Variants in NRCAM observed in about 807,000 individuals in gnomAD.
The protein encoded by NRCAM is NgCAM-related cell adhesion molecule.
In NRCAM, 83 loss-of-function variants were observed where a neutral mutation model predicts 156.5. That is an observed-to-expected ratio of 0.53 (90% CI 0.44 to 0.64). NRCAM has a LOEUF of 0.64. Among genes scored for constraint, NRCAM ranks in the 30% least tolerant of loss-of-function variants. The pLI is 0.00. For synonymous variants in NRCAM, 538 were observed against 563.9 expected, an observed-to-expected ratio of 0.95 and a Z score of 0.65; for missense variants, 1,417 against 1,597.3, an observed-to-expected ratio of 0.89 and a Z score of 1.92.
At chr7:108,255,360 G>A (rs1158620033) in intron 3 of NRCAM, among the ~76,000 whole-genome samples, 4 of 152,198 alleles carry the variant, frequency 2.6e-5, no homozygotes, top group African/African-American at 9.7e-5. Context: ...TGGAGACGGG[G>A]TTTCGCCGTG....
rs1178656892 is a variant in NRCAM, at chr7:108,180,408, T to C, written c.2666A>G (p.Gln889Arg). ...QGYRIYYWKT[Q>R]SSSKRNRRHI... ...ACGTCTGTTTCTTTTAGATGAACTC[T>C]GGGTCTTCCAATAGTAAATCTGAAA... Residue 889 changes from glutamine (Q) to arginine (R), a missense_variant, in exon 25 of 33, where the codon CAG becomes CGG. Gln to Arg is a conservative substitution (Grantham distance 43, BLOSUM62 1). Around this residue, in one of 2 missense-constraint regions of NRCAM, gnomAD observed 1,238 missense variants for 1,336.4 expected, o/e 0.93. Transcript: ENST00000379028. 1.2e-6 allele frequency: 2 copies of C among 1,614,182 alleles called. No individual in the cohort carries two copies. The highest frequency in any genetic ancestry group is 1.7e-5 in the Admixed American group (1 of 60,036).
rs78258691 is a variant in NRCAM at position 108,354,294 on chromosome 7, A to C, written c.-173-41563T>G. ...TGCTCCTTCATTAAATACTCATTCGAAGTGACTACTCATTATCTTAGCCTA... is the reference window on the plus strand; with the variant it reads ...TGCTCCTTCATTAAATACTCATTCGCAGTGACTACTCATTATCTTAGCCTA... On this transcript the variant is annotated intron_variant, in intron 2 of 32. Transcript: ENST00000379028. 2.1e-3 allele frequency among the ~76,000 whole-genome samples: 314 copies of C among 152,362 alleles called. 1 individual carries two copies. Among genetic ancestry groups the C allele is most frequent in the African/African-American group, 7.2e-3 (300 of 41,584 alleles).
At chr7:108,444,874 T>C (rs1386102586) in intron 1 of NRCAM, among the ~76,000 whole-genome samples, 1 of 152,214 alleles carries the variant, frequency 6.6e-6, no homozygotes, top group African/African-American at 2.4e-5. Flanking sequence ...TCTAAAATTC[T>C]GTGTCGACAG....
In NRCAM at chr7:108,149,764, T is replaced by C. The variant is rs983914269; in HGVS notation, c.*146A>G. 1.3e-5 allele frequency: 9 copies of C among 684,366 alleles called. No individual in the cohort carries two copies. In the African/African-American group the frequency reaches 1.6e-4, roughly 12 times the overall value. 42.4% of individuals were successfully genotyped at this position (684,366 alleles called of 1,614,324 possible). On this transcript the variant is annotated 3_prime_UTR_variant, in exon 33 of 33. Transcript: ENST00000379028. The stretch of plus-strand genomic sequence containing the variant: ...ATTAACATATCATTTGACTGAGTTA[T>C]GTTTTTGCTGTAACTATTCTCATAA...
chr7:108,390,742 A>G (rs1427129498), intron 2 of NRCAM, among the ~76,000 whole-genome samples: 10 of 152,206 alleles, frequency 6.6e-5, no homozygotes, highest in East Asian at 3.9e-4. Context: ...ACACTGCTTT[A>G]AATGTGTCCC....
intron 3 of NRCAM, among the ~76,000 whole-genome samples, chr7:108,299,789 T>C (rs1391403458): frequency 6.6e-6 from 1 of 152,192 alleles, no homozygotes; most frequent in Non-Finnish European, 1.5e-5. Context: ...TTAAGCATTC[T>C]GGTGGGCACA....
At chr7:108,290,542 G>T (rs181642868) in intron 3 of NRCAM, among the ~76,000 whole-genome samples, 177 of 152,140 alleles carry the variant, frequency 1.2e-3, no homozygotes, top group African/African-American at 4.1e-3. Flanking sequence ...GACAGAGCTG[G>T]GTCAACAGTA....
chr7:108,265,509 T>A (rs1449307624), intron 3 of NRCAM, among the ~76,000 whole-genome samples: 1 of 152,220 alleles, frequency 6.6e-6, no homozygotes, highest in Non-Finnish European at 1.5e-5. Context: ...CTGACCTCTA[T>A]TTTATGCTTT....
At chr7:108,360,439 G>A (rs986157755) in intron 2 of NRCAM, among the ~76,000 whole-genome samples, 7 of 152,036 alleles carry the variant, frequency 4.6e-5, no homozygotes, top group African/African-American at 1.7e-4. Context: ...GCAGGGTGGG[G>A]GATATAAGAG....
At position 108,284,746 on chromosome 7, in the gene NRCAM, T is replaced by G. The variant is rs181448006; in HGVS notation, c.-107+27919A>C. ...ACTTGTCTGTCCCCAGGAAGTGATT[T>G]TCACTCGCATAGACATACATTAGAA... On this transcript the variant is annotated intron_variant, in intron 3 of 32. Transcript: ENST00000379028. Among the ~76,000 whole-genome samples, 53 of 152,318 alleles carry G rather than the reference T, an allele frequency of 3.5e-4. No individual in the cohort carries two copies. The East Asian group carries it at 8.1e-3, about 23-fold the overall frequency.
At chr7:108,168,645 T>C (rs982338784) in intron 28 of NRCAM, among the ~76,000 whole-genome samples, 2 of 152,204 alleles carry the variant, frequency 1.3e-5, no homozygotes, top group African/African-American at 4.8e-5. Flanking sequence ...AGTTCTATTA[T>C]ATGGGTTCTG....
At chr7:108,206,075 T>C (rs2080990969) in intron 13 of NRCAM, among the ~76,000 whole-genome samples, 1 of 152,200 alleles carries the variant, frequency 6.6e-6, no homozygotes, top group Admixed American at 6.5e-5. Flanking sequence ...GCATCTGTTT[T>C]CTCCCAGGAA....
intron 5 of NRCAM, among the ~76,000 whole-genome samples, chr7:108,235,236 A>G (rs2153770499): frequency 6.6e-6 from 1 of 152,278 alleles, no homozygotes; most frequent in Middle Eastern, 3.4e-3. Flanking sequence ...AGGAACAAAG[A>G]TAAAAGAGTC....
At chr7:108,293,274 G>A (rs2098363082) in intron 3 of NRCAM, among the ~76,000 whole-genome samples, 1 of 152,108 alleles carries the variant, frequency 6.6e-6, no homozygotes, top group African/African-American at 2.4e-5. Context: ...TGTCCAGCGG[G>A]CGATCACGGC....
At chr7:108,451,423 A>G (rs1368634821) in intron 1 of NRCAM, among the ~76,000 whole-genome samples, 1 of 150,020 alleles carries the variant, frequency 6.7e-6, no homozygotes, top group Non-Finnish European at 1.5e-5. Context: ...AAAAAAATAG[A>G]ACTACCATAT....
intron 3 of NRCAM, among the ~76,000 whole-genome samples, chr7:108,252,537 A>G (rs2096410463): frequency 6.6e-6 from 1 of 152,224 alleles, no homozygotes; most frequent in Admixed American, 6.5e-5. Context: ...ACCTAAAATA[A>G]AAGTTAAAAA....
intron 2 of NRCAM, among the ~76,000 whole-genome samples, chr7:108,322,742 G>A (rs1403251399): frequency 6.6e-6 from 1 of 152,014 alleles, no homozygotes; most frequent in Non-Finnish European, 1.5e-5. Context: ...CCATTTTAAG[G>A]TTATGAAACA....
intron 2 of NRCAM, among the ~76,000 whole-genome samples, chr7:108,379,458 G>T (rs2154355584): frequency 6.6e-6 from 1 of 152,290 alleles, no homozygotes; most frequent in East Asian, 1.9e-4. Context: ...AATGGCGACA[G>T]GAGCTGGAGG....
At chr7:108,288,260 G>A (rs551102509) in intron 3 of NRCAM, among the ~76,000 whole-genome samples, 38 of 152,172 alleles carry the variant, frequency 2.5e-4, no homozygotes, top group Admixed American at 7.9e-4. Flanking sequence ...GGAGGGGGAT[G>A]AGGGATGAAA....
Sources: allele counts gnomAD v4.1 joint callset (sites outside exome capture counted in the v4.1 genomes callset), GRCh38; gene constraint gnomAD v4.1.1; regional missense constraint gnomAD v4.1.1; transcripts MANE v1.5; gene names NCBI Gene and HGNC (gene_info 2026-07-23, HGNC 2026-07-21).